The following FGF12 variants were observed in gnomAD, a reference collection of about 807,000 sequenced individuals.
FGF12 encodes fibroblast growth factor 12.
Under a neutral mutation model 23.6 loss-of-function variants are expected in FGF12, and 14 were observed. That is an observed-to-expected ratio of 0.59 (90% CI 0.39 to 0.93). The LOEUF is 0.93. Among genes scored for constraint, FGF12 ranks in the 40% least tolerant of loss-of-function variants. The pLI, the probability that FGF12 is intolerant of heterozygous loss-of-function variation, is 0.00. For missense variants in FGF12, 175 were observed against 217.8 expected (o/e 0.80, Z 1.24); for synonymous variants, 62 against 77.3 (o/e 0.80, Z 1.04).
chr3:192,681,533 T>G lies in FGF12; in HGVS notation c.13+45648A>C, dbSNP rs151288022. ...AAGACAAGAAGTAGATGATAGTGGC[T>G]AGATTGAGGCCTCTGCCTTGCCTCT... On this transcript the variant is annotated intron_variant, in intron 2 of 5. Coordinates refer to ENST00000445105, the MANE Select transcript of FGF12 (RefSeq NM_004113.6). Among the ~76,000 whole-genome samples the G allele has an allele frequency of 1.3e-3, 205 of 152,330 alleles. 1 individual carries two copies. The highest frequency in any genetic ancestry group is 4.8e-3 in the African/African-American group (198 of 41,564).
intron 2 of FGF12, among the ~76,000 whole-genome samples, chr3:192,404,648 C>A (rs1036495176): frequency 1.3e-5 from 2 of 152,166 alleles, no homozygotes; most frequent in African/African-American, 4.8e-5. Context: ...ACTCTTTTCT[C>A]ATTAGAAAGT....
chr3:192,664,176 A>G (rs1256127587), intron 2 of FGF12, among the ~76,000 whole-genome samples: 1 of 152,220 alleles, frequency 6.6e-6, no homozygotes, highest in East Asian at 1.9e-4. Flanking sequence ...TGTCAACCAA[A>G]TGAATCTATC....
chr3:192,280,322 G>C (rs1714068964), intron 4 of FGF12, among the ~76,000 whole-genome samples: 2 of 152,030 alleles, frequency 1.3e-5, no homozygotes, highest in African/African-American at 4.8e-5. Flanking sequence ...AGAATTCAGA[G>C]TTTAAAATAT....
At chr3:192,265,337 T>C (rs1478384478) in intron 4 of FGF12, 4 of 152,150 alleles carry the variant, frequency 2.6e-5, no homozygotes, top group African/African-American at 7.2e-5. Context: ...GAGACCACAA[T>C]TGCAGGCAGT....
At chr3:192,680,373 C>T (rs79429134) in intron 2 of FGF12, among the ~76,000 whole-genome samples, 5,057 of 152,196 alleles carry the variant, frequency 0.033, 231 homozygotes, top group East Asian at 0.2. Flanking sequence ...GGAAAGAGGT[C>T]CAAGGAGCTG....
rs371616236 is a variant in FGF12 at position 192,432,054 on chromosome 3, G to A, written c.14-71516C>T. The stretch of plus-strand genomic sequence containing the variant: ...ACCTCGGCAGCACCACATAGATCAG[G>A]TCTGCTTACCTGTGGCATCTCCCTC... On this transcript the variant is annotated intron_variant, in intron 2 of 5. Transcript: ENST00000445105. Among the ~76,000 whole-genome samples the A allele has an allele frequency of 7.9e-5, 12 of 152,124 alleles. 1 individual carries two copies. Among genetic ancestry groups the A allele is most frequent in the Admixed American group, 7.2e-4 (11 of 15,260 alleles).
intron 2 of FGF12, among the ~76,000 whole-genome samples, chr3:192,582,690 GA>G (rs11329506): frequency 0.51 from 75,925 of 147,686 alleles, 19,467 homozygotes; most frequent in African/African-American, 0.62. Context: ...GTAAAAAAAA[GA>G]AAAAAAAAAA....
intron 3 of FGF12, among the ~76,000 whole-genome samples, chr3:192,354,259 A>C (rs922590996): frequency 1.3e-5 from 2 of 152,236 alleles, no homozygotes; most frequent in Non-Finnish European, 2.9e-5. Flanking sequence ...AAGTATTAGA[A>C]GTCTAGACTG....
At chr3:192,596,103 A>ATAATG (rs1478591748) in intron 2 of FGF12, among the ~76,000 whole-genome samples, 16 of 143,022 alleles carry the variant, frequency 1.1e-4, no homozygotes, top group Non-Finnish European at 1.8e-4. Flanking sequence ...AAAATATAAT[A>ATAATG]TAATATAATA....
Position 192,409,412 on chromosome 3 carries a change from GAGGGAAGGA to G in FGF12, c.14-48883_14-48875del, listed in dbSNP as rs1458370187. On this transcript the variant is annotated intron_variant, in intron 2 of 5. Transcript: ENST00000445105. This position sits in a 1 kb window ranked among gnomAD's most constrained non-coding sequence, Gnocchi z 4.8. ...CAGGCTCAGAGGGAGCGAGGGAAGG[GAGGGAAGGA>G]AGGGGCGCCCTGGCGGGCTCGGGAT... is the stretch of plus-strand genomic sequence containing the variant. 6.6e-6 allele frequency among the ~76,000 whole-genome samples: 1 copy of G among 152,210 alleles called. No homozygotes were observed. Among genetic ancestry groups the G allele is most frequent in the Non-Finnish European group, 1.5e-5 (1 of 68,028 alleles).
chr3:192,629,885 T>C (rs554577609), intron 2 of FGF12, among the ~76,000 whole-genome samples: 5 of 152,274 alleles, frequency 3.3e-5, no homozygotes, highest in African/African-American at 1.2e-4. Flanking sequence ...CAAGAACACG[T>C]ATTTTTAACA....
chr3:192,368,434 T>C (rs1719081982), intron 2 of FGF12, among the ~76,000 whole-genome samples: 1 of 152,170 alleles, frequency 6.6e-6, no homozygotes. Flanking sequence ...GATGTGCTAT[T>C]GTGGACAGAA....
intron 2 of FGF12, among the ~76,000 whole-genome samples, chr3:192,492,729 A>G (rs1723836530): frequency 6.6e-6 from 1 of 152,176 alleles, no homozygotes; most frequent in Non-Finnish European, 1.5e-5. Flanking sequence ...ATATAACACA[A>G]TTCTTCAAGA....
intron 4 of FGF12, among the ~76,000 whole-genome samples, chr3:192,209,283 A>G (rs1717811189): frequency 6.6e-6 from 1 of 152,216 alleles, no homozygotes; most frequent in Non-Finnish European, 1.5e-5. Context: ...TGTAATGGCT[A>G]GAATTCCAGC....
At chr3:192,565,223 T>C (rs1330382544) in intron 2 of FGF12, among the ~76,000 whole-genome samples, 1 of 152,234 alleles carries the variant, frequency 6.6e-6, no homozygotes, top group Non-Finnish European at 1.5e-5. Flanking sequence ...CACCTATATG[T>C]TTAAAAATCT....
At chr3:192,248,912 C>T (rs940901) in intron 4 of FGF12, among the ~76,000 whole-genome samples, 62,306 of 151,992 alleles carry the variant, frequency 0.41, 13,716 homozygotes, top group East Asian at 0.94. Flanking sequence ...TATCATCACT[C>T]TCTGTCTACC....
chr3:192,571,230 G>C (rs574397706), intron 2 of FGF12, among the ~76,000 whole-genome samples: 7 of 152,322 alleles, frequency 4.6e-5, no homozygotes, highest in Admixed American at 2.6e-4. Context: ...TCGTGAAATC[G>C]TTTTCTGTGC....
chr3:192,397,515 T>G (rs1228456666), intron 2 of FGF12, among the ~76,000 whole-genome samples: 2 of 152,168 alleles, frequency 1.3e-5, no homozygotes, highest in African/African-American at 4.8e-5. Context: ...CACTGCAATA[T>G]CCTTTGAAGC....
intron 2 of FGF12, among the ~76,000 whole-genome samples, chr3:192,385,790 G>A (rs1158603045): frequency 6.6e-6 from 1 of 152,328 alleles, no homozygotes; most frequent in East Asian, 1.9e-4. Context: ...GCTCCTGGAA[G>A]CAACCTCAGT....
Sources: gnomAD v4.1 joint callset for allele counts (sites outside exome capture counted in the v4.1 genomes callset) on GRCh38, gnomAD v4.1.1 for gene constraint, Gnocchi (gnomAD v3.1) non-coding constraint, MANE v1.5 for transcripts, NCBI Gene and HGNC (gene_info 2026-07-23, HGNC 2026-07-21) for gene names.